The following CCSER1 variants were observed in gnomAD, a reference collection of about 807,000 sequenced individuals.
CCSER1 encodes the protein coiled-coil serine rich protein 1.
A neutral mutation model predicts 82.0 loss-of-function variants in CCSER1; 41 were observed. That is an observed-to-expected ratio of 0.50 (90% CI 0.39 to 0.65). The LOEUF (loss-of-function observed/expected upper bound fraction) is 0.65, where lower values mean the gene tolerates loss of function less well. CCSER1 is among the 30% of genes least tolerant of loss of function. The probability of loss-of-function intolerance (pLI) is 0.00; values close to 1 mark genes in which losing one functional copy is unlikely to be tolerated. For missense variants in CCSER1, 1,119 were observed against 1,064.2 expected (o/e 1.05, Z -0.72); for synonymous variants, 414 against 383.9 (o/e 1.08, Z -0.92).
chr4:90,921,168 A>T (rs1353842690), intron 8 of CCSER1, among the ~76,000 whole-genome samples: 1 of 151,896 alleles, frequency 6.6e-6, no homozygotes, highest in Non-Finnish European at 1.5e-5. Flanking sequence ...TACCATTTAG[A>T]AATACAAGAG....
At chr4:90,484,932 G>GAT (rs1174522755) in intron 5 of CCSER1, among the ~76,000 whole-genome samples, 1 of 152,210 alleles carries the variant, frequency 6.6e-6, no homozygotes, top group Non-Finnish European at 1.5e-5. Flanking sequence ...AGTCTGCAGA[G>GAT]GTTATTGCTG....
At chr4:91,153,297 C>T (rs543759645) in intron 10 of CCSER1, among the ~76,000 whole-genome samples, 120 of 152,044 alleles carry the variant, frequency 7.9e-4, no homozygotes, top group African/African-American at 2.6e-3. Context: ...TCCACTTGAT[C>T]GAATCGGCTC....
At chr4:90,949,374 G>A (rs774942045) in intron 9 of CCSER1, among the ~76,000 whole-genome samples, 1 of 151,962 alleles carries the variant, frequency 6.6e-6, no homozygotes, top group African/African-American at 2.4e-5. Context: ...TACCTAACTT[G>A]CAAGAATATT....
chr4:90,596,118 C>G (rs941509626), intron 5 of CCSER1, among the ~76,000 whole-genome samples: 1 of 151,818 alleles, frequency 6.6e-6, no homozygotes, highest in African/African-American at 2.4e-5. Flanking sequence ...TTGAATATCG[C>G]TTAGGTAGAA....
At chr4:91,471,058 T>C (rs1347174043) in intron 10 of CCSER1, among the ~76,000 whole-genome samples, 2 of 152,200 alleles carry the variant, frequency 1.3e-5, no homozygotes, top group African/African-American at 4.8e-5. Context: ...AGCCTACTTA[T>C]ATAACTAGTG....
rs1460355299 is a variant in CCSER1 at position 91,292,149 on chromosome 4, G to A, written c.2217+206155G>A. On this transcript the variant is annotated intron_variant, in intron 10 of 10. Transcript: ENST00000509176. ...GAGCAAGTCCAGGAGCATGTGGAAG[G>A]CCTGGCAGAACCCAGAACACAGCTT... 5.3e-5 allele frequency among the ~76,000 whole-genome samples: 8 copies of A among 152,004 alleles called. No individual in the cohort carries two copies. The East Asian group carries it at 1.6e-3, about 30-fold the overall frequency.
rs552412716 is a variant in CCSER1, at chr4:91,163,641, A to G, written c.2217+77647A>G. 2.8e-4 allele frequency among the ~76,000 whole-genome samples: 43 copies of G among 152,282 alleles called. 1 individual carries two copies. In the South Asian group the frequency reaches 8.7e-3, roughly 31 times the overall value. ...TGTGTTGGGTACATATATATTTAGGATAGTTAGCTCTTCTCGTTGAATTGA... is the reference window on the plus strand; with the variant it reads ...TGTGTTGGGTACATATATATTTAGGGTAGTTAGCTCTTCTCGTTGAATTGA... On this transcript the variant is annotated intron_variant, in intron 10 of 10. Coordinates refer to ENST00000509176, the MANE Select transcript of CCSER1 (RefSeq NM_001145065.2).
At chr4:90,169,660 C>T (rs1176771530) in intron 1 of CCSER1, among the ~76,000 whole-genome samples, 1 of 152,032 alleles carries the variant, frequency 6.6e-6, no homozygotes. Flanking sequence ...GAAATGCATT[C>T]ATTTTAAAGG....
chr4:90,421,900 A>T (rs1756753780), intron 4 of CCSER1, among the ~76,000 whole-genome samples: 1 of 152,150 alleles, frequency 6.6e-6, no homozygotes, highest in Admixed American at 6.5e-5. Context: ...CACCAAAAAG[A>T]CAATAAAATA....
chr4:91,566,735 TTTTC>T (rs1439127052), intron 10 of CCSER1, among the ~76,000 whole-genome samples: 3 of 152,008 alleles, frequency 2.0e-5, no homozygotes, highest in African/African-American at 7.2e-5. Flanking sequence ...AGTTGTAACA[TTTTC>T]TTTATCATTT....
intron 10 of CCSER1, among the ~76,000 whole-genome samples, chr4:91,336,204 C>T (rs376228683): frequency 6.6e-6 from 1 of 152,188 alleles, no homozygotes; most frequent in South Asian, 2.1e-4. Context: ...ATACATACTG[C>T]CCAGCATAGT....
At chr4:90,581,203 C>G (rs1054520056) in intron 5 of CCSER1, among the ~76,000 whole-genome samples, 1 of 151,912 alleles carries the variant, frequency 6.6e-6, no homozygotes, top group Non-Finnish European at 1.5e-5. Flanking sequence ...AAAATTACCC[C>G]ATTAGCAATT....
intron 10 of CCSER1, among the ~76,000 whole-genome samples, chr4:91,350,822 A>G (rs769102758): frequency 4.6e-5 from 7 of 152,048 alleles, no homozygotes; most frequent in Non-Finnish European, 7.4e-5. Flanking sequence ...ACAGTAGGCT[A>G]TATTTTTAAT....
intron 10 of CCSER1, among the ~76,000 whole-genome samples, chr4:91,564,680 T>A (rs1174119491): frequency 6.6e-6 from 1 of 152,034 alleles, no homozygotes; most frequent in Non-Finnish European, 1.5e-5. Context: ...TGGCCACATG[T>A]GTGCCTTCTT....
At chr4:90,943,168 T>C (rs928238822) in intron 9 of CCSER1, among the ~76,000 whole-genome samples, 1 of 152,022 alleles carries the variant, frequency 6.6e-6, no homozygotes, top group Admixed American at 6.6e-5. Context: ...AGAAGAAATT[T>C]CTGTGTACAT....
chr4:91,065,223 T>A (rs1720682645), intron 9 of CCSER1, among the ~76,000 whole-genome samples: 1 of 152,152 alleles, frequency 6.6e-6, no homozygotes, highest in African/African-American at 2.4e-5. Context: ...AGAAGTGGCA[T>A]TTGAGATCCT....
intron 7 of CCSER1, among the ~76,000 whole-genome samples, chr4:90,764,104 A>C (rs534001413): frequency 6.6e-6 from 1 of 152,274 alleles, no homozygotes; most frequent in Non-Finnish European, 1.5e-5. Flanking sequence ...TTCTCCTGTA[A>C]TGTGTTTCTC....
intron 1 of CCSER1, among the ~76,000 whole-genome samples, chr4:90,192,916 C>CA (rs1735923398): frequency 6.6e-6 from 1 of 151,888 alleles, no homozygotes; most frequent in Non-Finnish European, 1.5e-5. Context: ...AAAACAGGAA[C>CA]AAAAAACAAT....
At chr4:91,088,090 A>G (rs1723565313) in intron 10 of CCSER1, among the ~76,000 whole-genome samples, 1 of 152,118 alleles carries the variant, frequency 6.6e-6, no homozygotes, top group Non-Finnish European at 1.5e-5. Flanking sequence ...TGTGTGCATA[A>G]CAAGATGTAC....
Sources: allele counts gnomAD v4.1 joint callset (sites outside exome capture counted in the v4.1 genomes callset), GRCh38; gene constraint gnomAD v4.1.1; transcripts MANE v1.5; gene names NCBI Gene and HGNC (gene_info 2026-07-23, HGNC 2026-07-21).